Variants in MAPK10 observed in about 807,000 individuals in gnomAD.
The protein encoded by MAPK10 is mitogen-activated protein kinase 10, also known as JNK3 alpha protein kinase.
Under a neutral mutation model 59.3 loss-of-function variants are expected in MAPK10, and 25 were observed. That is an observed-to-expected ratio of 0.42 (90% CI 0.31 to 0.59). MAPK10 has a LOEUF of 0.59. MAPK10 is among the 20% of genes least tolerant of loss of function. The probability of loss-of-function intolerance (pLI) is 0.15; values close to 1 mark genes in which losing one functional copy is unlikely to be tolerated. For synonymous variants in MAPK10, 190 were observed against 200.5 expected (o/e 0.95, Z 0.44); for missense variants, 351 against 568.9 (o/e 0.62, Z 3.90).
At chr4:86,413,599 T>C (rs1263888075) in intron 1 of MAPK10, among the ~76,000 whole-genome samples, 2 of 152,144 alleles carry the variant, frequency 1.3e-5, no homozygotes, top group African/African-American at 4.8e-5. Context: ...GTTTACACTG[T>C]GAGCTATTCA....
intron 11 of MAPK10, among the ~76,000 whole-genome samples, chr4:86,043,485 G>A (rs2041960320): frequency 6.6e-6 from 1 of 152,124 alleles, no homozygotes; most frequent in Admixed American, 6.6e-5. Context: ...GAGTAAACAA[G>A]GACTAATGTT....
intron 5 of MAPK10, among the ~76,000 whole-genome samples, chr4:86,103,539 A>C (rs2055954562): frequency 1.3e-5 from 2 of 152,116 alleles, no homozygotes; most frequent in African/African-American, 4.8e-5. Flanking sequence ...TCGTGGCAGA[A>C]TATGGGCCTT....
Position 86,014,877 on chromosome 4 carries a change from A to G in MAPK10, c.*2351T>C, listed in dbSNP as rs187812439. On this transcript the variant is annotated 3_prime_UTR_variant, in exon 14 of 14. Transcript: ENST00000641462. ...TTCCCCTTGAGACTCTCTTTAAAGC[A>G]GCTTCCTGCTCTCCGCACTTAATCC... is the stretch of plus-strand genomic sequence containing the variant. 9 of 152,268 alleles carry G rather than the reference A, an allele frequency of 5.9e-5. No homozygotes were observed. Among genetic ancestry groups the G allele is most frequent in the Admixed American group, 1.3e-4 (2 of 15,284 alleles). The allele number at this position is 152,268 out of a possible 1,614,324, so 9.4% of individuals were successfully genotyped here.
chr4:86,484,641 A>G (rs531326862), intron 1 of MAPK10, among the ~76,000 whole-genome samples: 1 of 152,356 alleles, frequency 6.6e-6, no homozygotes, highest in Non-Finnish European at 1.5e-5. Flanking sequence ...GCTACCCATT[A>G]TGATGCTAGA....
chr4:86,450,011 C>A (rs1750518494), intron 1 of MAPK10, among the ~76,000 whole-genome samples: 1 of 152,214 alleles, frequency 6.6e-6, no homozygotes, highest in Non-Finnish European at 1.5e-5. Flanking sequence ...TGCAGCCCAG[C>A]TGATCCTTTG....
chr4:86,333,351 T>C (rs1459123910), intron 2 of MAPK10, among the ~76,000 whole-genome samples: 1 of 152,144 alleles, frequency 6.6e-6, no homozygotes, highest in Non-Finnish European at 1.5e-5. Context: ...CATGCCTTTT[T>C]TCCCAGTCAT....
At chr4:86,489,338 C>T (rs1754277570) in intron 1 of MAPK10, among the ~76,000 whole-genome samples, 1 of 152,134 alleles carries the variant, frequency 6.6e-6, no homozygotes, top group Non-Finnish European at 1.5e-5. Flanking sequence ...TGCTCTCCTC[C>T]TACCTCCTGG....
rs569149693 is a variant in MAPK10, at chr4:86,080,077, A to G, written c.803-12122T>C. 5.3e-5 allele frequency: 8 copies of G among 152,200 alleles called. No individual in the cohort carries two copies. The East Asian group carries it at 1.5e-3, about 29-fold the overall frequency. The allele number at this position is 152,200 out of a possible 1,614,324, so 9.4% of individuals were successfully genotyped here. A position where few individuals can be genotyped will look rare whatever the true frequency, so the allele number is the denominator to read the frequency against. ...TCTGGAGACAAAAAGTACCCAGTAC[A>G]TAGTAGGTACTCAAAAATATTTATG... is the stretch of plus-strand genomic sequence containing the variant. On this transcript the variant is annotated intron_variant, in intron 9 of 13. Coordinates refer to ENST00000641462, the MANE Select transcript of MAPK10 (RefSeq NM_138982.4).
At chr4:86,487,097 G>T (rs192372858) in intron 1 of MAPK10, among the ~76,000 whole-genome samples, 1 of 152,142 alleles carries the variant, frequency 6.6e-6, no homozygotes. Flanking sequence ...TGAGACAGTC[G>T]ATTGCAATGC....
rs557108399 is a variant in MAPK10 at position 86,227,485 on chromosome 4, T to TAAA, written c.-6-33081_-6-33079dup. On this transcript the variant is annotated intron_variant, in intron 2 of 13. Transcript: ENST00000641462. The stretch of plus-strand genomic sequence containing the variant: ...CTGGGCGACAGAGCGAGACTCCCTC[T>TAAA]AAAAAAAAAAAAAAAGAAAGAAAAG... Among the ~76,000 whole-genome samples the TAAA allele has an allele frequency of 9.3e-3, 1,056 of 114,156 alleles. 16 individuals are homozygous for TAAA. The highest frequency in any genetic ancestry group is 0.031 in the African/African-American group (960 of 30,962). 74.9% of individuals were successfully genotyped at this position (114,156 alleles called of 152,430 possible). A position where few individuals can be genotyped will look rare whatever the true frequency, so the allele number is the denominator to read the frequency against.
At chr4:86,188,170 G>T (rs1311553425) in intron 3 of MAPK10, among the ~76,000 whole-genome samples, 6 of 152,058 alleles carry the variant, frequency 3.9e-5, no homozygotes, top group Non-Finnish European at 8.8e-5. Flanking sequence ...TGGTTTGGTT[G>T]CAAGTCTTGC....
At chr4:86,490,412 G>A (rs780213144) in intron 1 of MAPK10, among the ~76,000 whole-genome samples, 13 of 152,294 alleles carry the variant, frequency 8.5e-5, no homozygotes, top group Non-Finnish European at 1.8e-4. Context: ...TGTGGTAAGC[G>A]TATGGGCCAA....
chr4:86,324,658 T>C (rs2095980843), intron 2 of MAPK10, among the ~76,000 whole-genome samples: 1 of 152,212 alleles, frequency 6.6e-6, no homozygotes, highest in Non-Finnish European at 1.5e-5. Context: ...GAATATCTTC[T>C]ATCTCTATAA....
chr4:86,212,432 G>A (rs1435331601), intron 2 of MAPK10, among the ~76,000 whole-genome samples: 15 of 152,016 alleles, frequency 9.9e-5, no homozygotes, highest in African/African-American at 7.2e-5. Context: ...TGAGGCAGGA[G>A]GCTCACTTGA....
chr4:86,343,597 G>A (rs11097108), intron 2 of MAPK10, among the ~76,000 whole-genome samples: 111,076 of 151,912 alleles, frequency 0.73, 41,176 homozygotes, highest in South Asian at 0.9. Flanking sequence ...TATAGTTCAC[G>A]GACCCCTGAG....
intron 1 of MAPK10, among the ~76,000 whole-genome samples, chr4:86,525,445 AC>A (rs1757411057): frequency 6.6e-6 from 1 of 152,128 alleles, no homozygotes; most frequent in Non-Finnish European, 1.5e-5. Context: ...GCCAGCGAAA[AC>A]TTTTTTTAAC....
chr4:86,437,026 C>T (rs1342323480), intron 1 of MAPK10, among the ~76,000 whole-genome samples: 1 of 152,018 alleles, frequency 6.6e-6, no homozygotes, highest in East Asian at 1.9e-4. Flanking sequence ...TCCTGGCTAA[C>T]ACGGTGAAAC....
intron 2 of MAPK10, among the ~76,000 whole-genome samples, chr4:86,224,084 A>T: frequency 7.5e-6 from 1 of 133,178 alleles, no homozygotes; most frequent in East Asian, 1.9e-4. Flanking sequence ...CGAAATATCA[A>T]ATGTAGGAAT....
At chr4:86,053,809 A>G (rs1198434153) in intron 11 of MAPK10, among the ~76,000 whole-genome samples, 2 of 152,196 alleles carry the variant, frequency 1.3e-5, no homozygotes, top group Non-Finnish European at 2.9e-5. Context: ...CCTCAAGATA[A>G]ATAGGTAGAT....
Sources: gnomAD v4.1 joint callset for allele counts (sites outside exome capture counted in the v4.1 genomes callset) on GRCh38, gnomAD v4.1.1 for gene constraint, MANE v1.5 for transcripts, NCBI Gene and HGNC (gene_info 2026-07-23, HGNC 2026-07-21) for gene names.